Variants in NBEA observed in about 807,000 individuals in gnomAD.
The protein encoded by NBEA is neurobeachin, also known as lysosomal-trafficking regulator 2.
In NBEA, 44 loss-of-function variants were observed where a neutral mutation model predicts 343.4. The ratio of observed to expected loss-of-function variants is 0.13; its 90% CI spans 0.10 to 0.16. The LOEUF is 0.16. Ranked by LOEUF, NBEA falls within the 10% of genes least tolerant of loss-of-function variation. The pLI is 1.00. For synonymous variants in NBEA, 1,175 were observed against 1,238.7 expected, an observed-to-expected ratio of 0.95 and a Z score of 1.08; for missense variants, 2,555 against 3,631.3, an observed-to-expected ratio of 0.70 and a Z score of 7.62.
intron 44 of NBEA, among the ~76,000 whole-genome samples, chr13:35,566,129 G>A (rs533449502): frequency 7.2e-5 from 11 of 152,252 alleles, no homozygotes; most frequent in South Asian, 2.1e-4. Context: ...TTTGGAGGCC[G>A]AGGCAGATGG....
intron 39 of NBEA, among the ~76,000 whole-genome samples, chr13:35,444,494 CA>C: frequency 6.6e-6 from 1 of 151,856 alleles, no homozygotes; most frequent in Non-Finnish European, 1.5e-5. Flanking sequence ...TAGACTTCGT[CA>C]AAATACATTG....
At chr13:35,525,807 C>G (rs569495520) in intron 41 of NBEA, among the ~76,000 whole-genome samples, 3 of 152,114 alleles carry the variant, frequency 2.0e-5, no homozygotes, top group African/African-American at 7.2e-5. Flanking sequence ...GGTGGAGGCT[C>G]TCTGCCTTAT....
intron 30 of NBEA, among the ~76,000 whole-genome samples, chr13:35,191,645 G>A (rs1191677257): frequency 1.3e-5 from 2 of 151,990 alleles, no homozygotes; most frequent in East Asian, 3.9e-4. Flanking sequence ...TAAACAAAAT[G>A]TGTAAGTTAG....
chr13:35,015,217 T>A (rs2061617760), intron 1 of NBEA, among the ~76,000 whole-genome samples: 1 of 149,590 alleles, frequency 6.7e-6, no homozygotes, highest in Non-Finnish European at 1.5e-5. Context: ...CTGATTTGAA[T>A]CTGGTTAGTA....
In NBEA at chr13:35,309,725, C is replaced by T; in HGVS notation, c.5903+133C>T. On this transcript the variant is annotated intron_variant, in intron 36 of 58. Transcript: ENST00000379939. The stretch of plus-strand genomic sequence containing the variant: ...AGTTAAATAATTTATCACACAGGTA[C>T]TTAATTAATCTTTAACAAAGTTTAA... 5.3e-6 allele frequency: 3 copies of T among 562,460 alleles called. No individual in the cohort carries two copies. The South Asian group carries it at 7.6e-5, about 14-fold the overall frequency. 34.8% of individuals were successfully genotyped at this position (562,460 alleles called of 1,614,324 possible). A position where few individuals can be genotyped will look rare whatever the true frequency, so the allele number is the denominator to read the frequency against.
At chr13:35,202,625 T>C (rs2073099767) in intron 31 of NBEA, among the ~76,000 whole-genome samples, 2 of 152,140 alleles carry the variant, frequency 1.3e-5, no homozygotes, top group African/African-American at 4.8e-5. Context: ...ATACCACTTT[T>C]CCTGTCCCTT....
intron 36 of NBEA, among the ~76,000 whole-genome samples, chr13:35,337,376 A>C (rs918053255): frequency 6.6e-6 from 1 of 152,154 alleles, no homozygotes; most frequent in Non-Finnish European, 1.5e-5. Context: ...CAGACAAACT[A>C]TATTTTAATA....
intron 10 of NBEA, among the ~76,000 whole-genome samples, chr13:35,088,576 A>T (rs1302668757): frequency 2.6e-5 from 4 of 151,946 alleles, no homozygotes; most frequent in Non-Finnish European, 5.9e-5. Flanking sequence ...GGTCAAGTTT[A>T]TTGGAGTACT....
At chr13:35,341,388 G>A (rs1387872233) in intron 36 of NBEA, among the ~76,000 whole-genome samples, 1 of 151,990 alleles carries the variant, frequency 6.6e-6, no homozygotes, top group East Asian at 1.9e-4. Flanking sequence ...AAAAAAAGTA[G>A]ATTGATAGTC....
At chr13:35,506,462 T>C (rs1455329744) in intron 41 of NBEA, among the ~76,000 whole-genome samples, 3 of 152,212 alleles carry the variant, frequency 2.0e-5, no homozygotes, top group Non-Finnish European at 2.9e-5. Flanking sequence ...GTCTGCCTTA[T>C]GTTTTTTAAG....
At chr13:35,030,379 C>CTCTTTCTT (rs537216144) in intron 1 of NBEA, among the ~76,000 whole-genome samples, 1 of 150,936 alleles carries the variant, frequency 6.6e-6, no homozygotes, top group African/African-American at 2.4e-5. Flanking sequence ...AATATCCCCT[C>CTCTTTCTT]TCTTTCTTTC....
At chr13:35,454,842 A>G (rs1242386576) in intron 40 of NBEA, among the ~76,000 whole-genome samples, 1 of 152,206 alleles carries the variant, frequency 6.6e-6, no homozygotes, top group Non-Finnish European at 1.5e-5. Context: ...CCTGGGCGAC[A>G]GAATGAGACT....
intron 1 of NBEA, among the ~76,000 whole-genome samples, chr13:34,944,822 G>A (rs1327548787): frequency 2.0e-5 from 3 of 152,114 alleles, no homozygotes; most frequent in Admixed American, 2.0e-4. Context: ...GTATTCCTAT[G>A]CTTACTTAAT....
intron 17 of NBEA, among the ~76,000 whole-genome samples, chr13:35,141,088 A>G (rs529881661): frequency 6.6e-6 from 1 of 152,278 alleles, no homozygotes; most frequent in African/African-American, 2.4e-5. Flanking sequence ...AGTCACACTT[A>G]GCTATAAGAG....
chr13:35,297,375 G>C (rs918052133), intron 35 of NBEA, among the ~76,000 whole-genome samples: 9 of 151,956 alleles, frequency 5.9e-5, no homozygotes, highest in Non-Finnish European at 1.2e-4. Flanking sequence ...TCTTATATGT[G>C]ATTAAGGTAT....
chr13:35,481,232 G>T (rs1404260113), intron 41 of NBEA, among the ~76,000 whole-genome samples: 2 of 151,830 alleles, frequency 1.3e-5, no homozygotes, highest in African/African-American at 4.8e-5. Context: ...TTTTTGAAAA[G>T]AAAATTTTGA....
At chr13:34,960,082 G>C (rs1034286388) in intron 1 of NBEA, among the ~76,000 whole-genome samples, 1 of 152,100 alleles carries the variant, frequency 6.6e-6, no homozygotes, top group African/African-American at 2.4e-5. Context: ...AGAGATGACA[G>C]CTCCATGGGT....
At chr13:35,087,850 T>A (rs568067969) in intron 10 of NBEA, among the ~76,000 whole-genome samples, 1 of 152,076 alleles carries the variant, frequency 6.6e-6, no homozygotes, top group African/African-American at 2.4e-5. Flanking sequence ...TAGACTATAT[T>A]TGACGTACAT....
At chr13:35,169,227 A>G (rs568330166) in intron 25 of NBEA, among the ~76,000 whole-genome samples, 4 of 151,746 alleles carry the variant, frequency 2.6e-5, no homozygotes, top group South Asian at 2.1e-4. Context: ...ATTGAACACA[A>G]TGGTGTTACA....
Sources: gnomAD v4.1 joint callset for allele counts (sites outside exome capture counted in the v4.1 genomes callset) on GRCh38, gnomAD v4.1.1 for gene constraint, MANE v1.5 for transcripts, NCBI Gene and HGNC (gene_info 2026-07-23, HGNC 2026-07-21) for gene names.